Variants in CCDC62 observed in about 807,000 individuals in gnomAD.
The protein encoded by CCDC62 is coiled-coil domain-containing protein 62.
Under a neutral mutation model 80.8 loss-of-function variants are expected in CCDC62, and 72 were observed. The observed-to-expected ratio is 0.89, with a 90% CI of 0.74 to 1.08. The LOEUF is 1.08. Ranked by LOEUF, CCDC62 falls within the 50% of genes least tolerant of loss-of-function variation. The pLI, the probability that CCDC62 is intolerant of heterozygous loss-of-function variation, is 0.00. For synonymous variants in CCDC62, 286 were observed against 296.5 expected (o/e 0.96, Z 0.36); for missense variants, 704 against 809.4 (o/e 0.87, Z 1.58).
intron 5 of CCDC62, among the ~76,000 whole-genome samples, chr12:122,791,512 G>A (rs1214616672): frequency 1.3e-5 from 2 of 151,882 alleles, no homozygotes; most frequent in Non-Finnish European, 2.9e-5. Flanking sequence ...GCAGTGGCGT[G>A]ATCTCAGCTC....
intron 6 of CCDC62, among the ~76,000 whole-genome samples, chr12:122,793,840 A>G (rs1197064822): frequency 6.6e-6 from 1 of 152,164 alleles, no homozygotes; most frequent in Non-Finnish European, 1.5e-5. Flanking sequence ...CTGCCACTAG[A>G]GGTCACTATT....
chr12:122,799,849 G>A (rs1188242316), intron 8 of CCDC62, among the ~76,000 whole-genome samples: 1 of 152,112 alleles, frequency 6.6e-6, no homozygotes, highest in Non-Finnish European at 1.5e-5. Context: ...CCTGCTTTCC[G>A]CTGCACTTGC....
intron 11 of CCDC62, among the ~76,000 whole-genome samples, chr12:122,818,554 C>G (rs2135591525): frequency 6.6e-6 from 1 of 151,664 alleles, no homozygotes; most frequent in South Asian, 2.1e-4. Context: ...AGCATGAGGT[C>G]AAGGCTACAG....
At chr12:122,776,473 G>T in intron 1 of CCDC62, 1 of 152,168 alleles carries the variant, frequency 6.6e-6, no homozygotes, top group Non-Finnish European at 1.5e-5. Context: ...AACCAATAAT[G>T]AAAAGAAAAG....
In CCDC62 at chr12:122,812,771, G is replaced by GAA. The variant is rs1304948635; in HGVS notation, c.1852-498_1852-497insAA. Among the ~76,000 whole-genome samples, 585 of 95,018 alleles carry GAA rather than the reference G, an allele frequency of 6.2e-3. 6 individuals are homozygous for GAA. Among genetic ancestry groups the GAA allele is most frequent in the Middle Eastern group, 0.014 (3 of 214 alleles). 62.3% of individuals were successfully genotyped at this position (95,018 alleles called of 152,430 possible). A position where few individuals can be genotyped will look rare whatever the true frequency, so the allele number is the denominator to read the frequency against. On this transcript the variant is annotated intron_variant, in intron 10 of 12. Coordinates refer to ENST00000253079, the MANE Select transcript of CCDC62 (RefSeq NM_201435.5). ...AGAGAGGGAGGGAGAGAGAGAGAGA[G>GAA]AGAGAGAGAAAGAAAGAAAGAAAGA...
chr12:122,796,007 A>T (rs1299920109), intron 6 of CCDC62, among the ~76,000 whole-genome samples: 1 of 152,234 alleles, frequency 6.6e-6, no homozygotes, highest in Non-Finnish European at 1.5e-5. Context: ...TTGTGAAAAT[A>T]GTCAGACCCA....
Position 122,826,739 on chromosome 12 carries a change from G to A in CCDC62, c.*358G>A, listed in dbSNP as rs2032646546. 8.8e-6 allele frequency: 2 copies of A among 228,414 alleles called. No individual in the cohort carries two copies. Among genetic ancestry groups the A allele is most frequent in the Admixed American group, 2.0e-4 (2 of 10,088 alleles). The allele number at this position is 228,414 out of a possible 1,614,324, so 14.1% of individuals were successfully genotyped here. A position where few individuals can be genotyped will look rare whatever the true frequency, so the allele number is the denominator to read the frequency against. On this transcript the variant is annotated 3_prime_UTR_variant, in exon 13 of 13. Transcript: ENST00000253079. Reference sequence around the variant, plus strand: ...AGAGAAGCTCTTTAAAAATGTGAATGTCAAATAGAGAAAGAACCCTGCATA... The same window carrying A: ...AGAGAAGCTCTTTAAAAATGTGAATATCAAATAGAGAAAGAACCCTGCATA...
In CCDC62 at chr12:122,826,440, A is replaced by G. The variant is rs1471426192; in HGVS notation, c.*59A>G. 1 of 780,406 alleles carries G rather than the reference A, an allele frequency of 1.3e-6. No homozygotes were observed. Among genetic ancestry groups the G allele is most frequent in the Non-Finnish European group, 2.4e-6 (1 of 417,954 alleles). 48.3% of individuals were successfully genotyped at this position (780,406 alleles called of 1,614,324 possible). A position where few individuals can be genotyped will look rare whatever the true frequency, so the allele number is the denominator to read the frequency against. ...AAAGCAGATTTCTCATCTATGTGGA[A>G]GGCAGAAAGCAGACACCAATACTGA... On this transcript the variant is annotated 3_prime_UTR_variant, in exon 13 of 13. Coordinates refer to ENST00000253079, the MANE Select transcript of CCDC62 (RefSeq NM_201435.5).
chr12:122,807,795 A>C (rs192855750), intron 10 of CCDC62, among the ~76,000 whole-genome samples: 4 of 152,142 alleles, frequency 2.6e-5, no homozygotes, highest in African/African-American at 9.6e-5. Flanking sequence ...ACAATCACTC[A>C]CTAATCTGTC....
intron 5 of CCDC62, among the ~76,000 whole-genome samples, chr12:122,790,653 C>T (rs779002129): frequency 1.3e-5 from 2 of 151,890 alleles, no homozygotes; most frequent in Non-Finnish European, 2.9e-5. Context: ...AAGATCCTGC[C>T]TCAAAAAAAT....
At chr12:122,820,514 T>G (rs2032359282) in intron 11 of CCDC62, among the ~76,000 whole-genome samples, 1 of 152,148 alleles carries the variant, frequency 6.6e-6, no homozygotes, top group Admixed American at 6.6e-5. Context: ...TGCAGATCCC[T>G]TTCAGAATGA....
At chr12:122,813,737 A>T (rs796462246) in intron 11 of CCDC62, among the ~76,000 whole-genome samples, 61 of 151,794 alleles carry the variant, frequency 4.0e-4, no homozygotes, top group Non-Finnish European at 8.1e-4. Flanking sequence ...GCTCATTGCA[A>T]CCTCCACCTC....
intron 5 of CCDC62, 23 bp downstream of exon 5, chr12:122,788,952 A>AATGTAG: frequency 6.6e-7 from 1 of 1,524,320 alleles, no homozygotes; most frequent in Non-Finnish European, 8.9e-7. Flanking sequence ...CCTACATTTA[A>AATGTAG]GATACAAATG....
Position 122,813,439 on chromosome 12 carries a change from T to G in CCDC62, c.2001+20T>G. On this transcript the variant is annotated intron_variant, in intron 11 of 12. Transcript: ENST00000253079. ...ACAAATGTATGCGTTTCATTTTCTC[T>G]TGACTATATTTGTCACATCCAAACA... The G allele has an allele frequency of 6.2e-7, 1 of 1,603,652 alleles. No individual in the cohort carries two copies. The highest frequency in any genetic ancestry group is 8.5e-7 in the Non-Finnish European group (1 of 1,176,338).
chr12:122,806,037 G>A (rs931809740), intron 9 of CCDC62, 114 bp from the exon 10 acceptor site: 19 of 903,866 alleles, frequency 2.1e-5, no homozygotes, highest in Non-Finnish European at 3.1e-5. Flanking sequence ...AACTTGACCT[G>A]CTTCAATAAC....
At chr12:122,806,414 T>G in intron 10 of CCDC62, 119 bp downstream of exon 10, 4 of 713,326 alleles carry the variant, frequency 5.6e-6, no homozygotes, top group South Asian at 2.8e-5. Context: ...GTTTTTTTTT[T>G]TTTTTTTTTA....
chr12:122,815,185 C>T lies in CCDC62; in HGVS notation c.2001+1766C>T, dbSNP rs555723034. 2.0e-5 allele frequency among the ~76,000 whole-genome samples: 3 copies of T among 152,296 alleles called. No homozygotes were observed. The South Asian group carries it at 6.2e-4, about 32-fold the overall frequency. On this transcript the variant is annotated intron_variant, in intron 11 of 12. Transcript: ENST00000253079. ...CCTCCAACTCCCAGGCTCAAGTGAT[C>T]TTCCCACCTCAGCCTCCTGAGTAGC...
rs892146265 is a variant in CCDC62, at chr12:122,826,783, A to C, written c.*402A>C. ...CTGCATAGAAAGTGCTGTTTTAACT[A>C]TCTGATTTTTAAAAAATCTGTGCAT... On this transcript the variant is annotated 3_prime_UTR_variant, in exon 13 of 13. Coordinates refer to ENST00000253079, the MANE Select transcript of CCDC62 (RefSeq NM_201435.5). 4.4e-6 allele frequency: 1 copy of C among 227,738 alleles called. No individual in the cohort carries two copies. Among genetic ancestry groups the C allele is most frequent in the African/African-American group, 2.3e-5 (1 of 44,254 alleles). 14.1% of individuals were successfully genotyped at this position (227,738 alleles called of 1,614,324 possible). A position where few individuals can be genotyped will look rare whatever the true frequency, so the allele number is the denominator to read the frequency against.
chr12:122,805,868 C>T (rs1221601999), intron 9 of CCDC62, among the ~76,000 whole-genome samples: 1 of 151,908 alleles, frequency 6.6e-6, no homozygotes, highest in African/African-American at 2.4e-5. Flanking sequence ...TTGGCCAGGA[C>T]AGTCCTGATC....
Sources: gnomAD v4.1 joint callset for allele counts (sites outside exome capture counted in the v4.1 genomes callset) on GRCh38, gnomAD v4.1.1 for gene constraint, MANE v1.5 for transcripts, NCBI Gene and HGNC (gene_info 2026-07-23, HGNC 2026-07-21) for gene names.